Variants in CTNNA3 observed in about 807,000 individuals in gnomAD.
The protein encoded by CTNNA3 is catenin alpha-3.
Under a neutral mutation model 95.7 loss-of-function variants are expected in CTNNA3, and 76 were observed. That is an observed-to-expected ratio of 0.79 (90% CI 0.66 to 0.96). The LOEUF is 0.96. Ranked by LOEUF, CTNNA3 falls within the 40% of genes least tolerant of loss-of-function variation. The pLI is 0.00. For synonymous variants in CTNNA3, 431 were observed against 374.4 expected, an observed-to-expected ratio of 1.15 and a Z score of -1.74; for missense variants, 1,191 against 1,089.8, an observed-to-expected ratio of 1.09 and a Z score of -1.31.
chr10:65,975,110 C>G (rs1452597356), intron 16 of CTNNA3, among the ~76,000 whole-genome samples: 1 of 152,010 alleles, frequency 6.6e-6, no homozygotes, highest in East Asian at 1.9e-4. Flanking sequence ...AAGATGAGAA[C>G]ACATTACCCT....
chr10:66,127,201 G>A (rs1249836038), intron 13 of CTNNA3, among the ~76,000 whole-genome samples: 2 of 150,694 alleles, frequency 1.3e-5, no homozygotes, highest in African/African-American at 2.4e-5. Context: ...GAACCCAGGA[G>A]GCGGAGCTTG....
At chr10:66,913,948 T>C (rs932077778) in intron 7 of CTNNA3, among the ~76,000 whole-genome samples, 2 of 152,150 alleles carry the variant, frequency 1.3e-5, no homozygotes, top group Non-Finnish European at 2.9e-5. Flanking sequence ...CCAGCACCCT[T>C]TCCCTGCCTT....
chr10:67,298,224 C>T (rs1297014510), intron 5 of CTNNA3, among the ~76,000 whole-genome samples: 1 of 152,208 alleles, frequency 6.6e-6, no homozygotes, highest in Non-Finnish European at 1.5e-5. Flanking sequence ...ACCTTCCTTT[C>T]TCCTGGATTC....
intron 13 of CTNNA3, among the ~76,000 whole-genome samples, chr10:66,181,691 T>A (rs2131857605): frequency 6.6e-6 from 1 of 152,328 alleles, no homozygotes; most frequent in Middle Eastern, 3.4e-3. Context: ...TTTACTAAGC[T>A]AAATTCATCA....
intron 13 of CTNNA3, among the ~76,000 whole-genome samples, chr10:66,132,754 T>C (rs1047817193): frequency 4.6e-5 from 7 of 152,128 alleles, no homozygotes; most frequent in African/African-American, 1.7e-4. Context: ...TACAGAAACA[T>C]GAATGGAGCT....
At chr10:66,108,244 C>G (rs962195350) in intron 13 of CTNNA3, among the ~76,000 whole-genome samples, 1 of 152,084 alleles carries the variant, frequency 6.6e-6, no homozygotes, top group African/African-American at 2.4e-5. Flanking sequence ...CACACACACA[C>G]AAACAAACAC....
At chr10:66,746,220 T>C (rs1003091976) in intron 9 of CTNNA3, among the ~76,000 whole-genome samples, 3 of 152,020 alleles carry the variant, frequency 2.0e-5, no homozygotes. Flanking sequence ...TAGATAATAT[T>C]AGGAAAACAA....
At chr10:67,731,182 T>C (rs1293945515) in intron 1 of CTNNA3, among the ~76,000 whole-genome samples, 2 of 152,108 alleles carry the variant, frequency 1.3e-5, no homozygotes, top group East Asian at 3.8e-4. Context: ...GAATGAGACA[T>C]GAAGTTGGAA....
intron 12 of CTNNA3, among the ~76,000 whole-genome samples, chr10:66,356,139 T>G (rs978792970): frequency 6.6e-6 from 1 of 151,118 alleles, no homozygotes; most frequent in Non-Finnish European, 1.5e-5. Flanking sequence ...TTTTTTTTTT[T>G]TTGGCTATTC....
intron 1 of CTNNA3, among the ~76,000 whole-genome samples, chr10:67,717,240 GC>G (rs1192237878): frequency 1.3e-5 from 2 of 151,972 alleles, no homozygotes; most frequent in African/African-American, 4.8e-5. Context: ...TGGATAGATT[GC>G]AAAAATGTTC....
rs188136650 is a variant in CTNNA3, at chr10:66,064,955, C to T, written c.2159+4353G>A. Among the ~76,000 whole-genome samples, 88 of 152,000 alleles carry T rather than the reference C, an allele frequency of 5.8e-4. 1 individual carries two copies. The East Asian group carries it at 0.016, about 28-fold the overall frequency. ...ATATATACACATGCTGTTATAAATTCTGGGTATAAAAAAAGGCAAATTTCA... is the reference window on the plus strand; with the variant it reads ...ATATATACACATGCTGTTATAAATTTTGGGTATAAAAAAAGGCAAATTTCA... On this transcript the variant is annotated intron_variant, in intron 15 of 17. Transcript: ENST00000433211.
chr10:66,396,046 C>T (rs1226150074), intron 11 of CTNNA3, among the ~76,000 whole-genome samples: 1 of 151,960 alleles, frequency 6.6e-6, no homozygotes, highest in African/African-American at 2.4e-5. Flanking sequence ...ACTTGATTTT[C>T]TGTTTCTCAG....
chr10:67,288,192 G>T (rs571631407), intron 5 of CTNNA3, among the ~76,000 whole-genome samples: 1 of 152,052 alleles, frequency 6.6e-6, no homozygotes, highest in East Asian at 1.9e-4. Flanking sequence ...CAGGAATACA[G>T]ATTTCTCCTG....
rs72795324 is a variant in CTNNA3 at position 66,137,147 on chromosome 10, T to C, written c.1885-33898A>G. On this transcript the variant is annotated intron_variant, in intron 13 of 17. Coordinates refer to ENST00000433211, the MANE Select transcript of CTNNA3 (RefSeq NM_013266.4). The stretch of plus-strand genomic sequence containing the variant: ...TTTAATGTTTAATAATGACCATGTT[T>C]AACAACTAGCTCAGAGACTTCTTGA... 8.3e-3 allele frequency among the ~76,000 whole-genome samples: 1,257 copies of C among 152,242 alleles called. 8 individuals are homozygous for C. Among genetic ancestry groups the C allele is most frequent in the Middle Eastern group, 0.037 (11 of 294 alleles).
intron 11 of CTNNA3, among the ~76,000 whole-genome samples, chr10:66,444,221 G>T (rs2093399452): frequency 6.6e-6 from 1 of 152,144 alleles, no homozygotes; most frequent in South Asian, 2.1e-4. Flanking sequence ...AAATGACGGG[G>T]AGAATAGAAC....
At chr10:67,464,262 A>G (rs990988993) in intron 5 of CTNNA3, among the ~76,000 whole-genome samples, 1 of 152,150 alleles carries the variant, frequency 6.6e-6, no homozygotes. Context: ...TCCCCACTAT[A>G]GCAGTCTTTC....
upstream of CTNNA3, among the ~76,000 whole-genome samples, chr10:67,698,685 C>A (rs1210720620): frequency 2.0e-5 from 3 of 152,186 alleles, no homozygotes; most frequent in Admixed American, 6.5e-5. Context: ...AGCCATAATA[C>A]CTTTCTAAAA....
At chr10:66,534,130 A>AAC (rs1388830216) in intron 10 of CTNNA3, among the ~76,000 whole-genome samples, 2 of 152,236 alleles carry the variant, frequency 1.3e-5, no homozygotes, top group Admixed American at 1.3e-4. Flanking sequence ...GCAAAAGGTA[A>AAC]ACATTAAAGT....
intron 7 of CTNNA3, among the ~76,000 whole-genome samples, chr10:67,006,266 C>T (rs895545810): frequency 6.6e-6 from 1 of 152,062 alleles, no homozygotes; most frequent in African/African-American, 2.4e-5. Context: ...CTCTTCTCTA[C>T]ATCACACCAC....
Sources: gnomAD v4.1 joint callset for allele counts (sites outside exome capture counted in the v4.1 genomes callset) on GRCh38, gnomAD v4.1.1 for gene constraint, MANE v1.5 for transcripts, NCBI Gene and HGNC (gene_info 2026-07-23, HGNC 2026-07-21) for gene names.